ARHGAP15: variants seen among roughly 807,000 people sequenced by gnomAD.
The protein encoded by ARHGAP15 is Rho GTPase activating protein 15, also known as rho GTPase-activating protein 15.
Under a neutral mutation model 63.7 loss-of-function variants are expected in ARHGAP15, and 51 were observed. The ratio of observed to expected loss-of-function variants is 0.80; its 90% confidence interval spans 0.64 to 1.01. The LOEUF is 1.01. Ranked by LOEUF, ARHGAP15 falls within the 50% of genes least tolerant of loss-of-function variation. ARHGAP15 has a pLI of 0.00. For missense variants in ARHGAP15, 560 were observed against 564.6 expected (o/e 0.99, Z 0.08); for synonymous variants, 191 against 193.8 (o/e 0.99, Z 0.12).
intron 6 of ARHGAP15, among the ~76,000 whole-genome samples, chr2:143,406,612 T>A (rs1284965443): frequency 1.3e-5 from 2 of 151,994 alleles, no homozygotes; most frequent in Non-Finnish European, 2.9e-5. Flanking sequence ...TCCTTGTATT[T>A]CTGACCATTT....
At chr2:143,239,691 GT>G (rs1019529823) in intron 5 of ARHGAP15, among the ~76,000 whole-genome samples, 4 of 151,470 alleles carry the variant, frequency 2.6e-5, no homozygotes, top group African/African-American at 9.7e-5. Context: ...CTCTACAAAA[GT>G]TTTTTTTTAA....
At chr2:143,360,126 C>G (rs1012025962) in intron 6 of ARHGAP15, among the ~76,000 whole-genome samples, 1 of 151,820 alleles carries the variant, frequency 6.6e-6, no homozygotes, top group African/African-American at 2.4e-5. Flanking sequence ...TGCCTGTAAT[C>G]CCAGAACTTT....
intron 13 of ARHGAP15, among the ~76,000 whole-genome samples, chr2:143,729,088 G>C (rs1162792904): frequency 6.6e-6 from 1 of 152,168 alleles, no homozygotes; most frequent in South Asian, 2.1e-4. Flanking sequence ...AAGAAAAAAA[G>C]TGAAAAGGCA....
chr2:143,699,439 C>T (rs189841454), intron 12 of ARHGAP15, among the ~76,000 whole-genome samples: 24 of 152,214 alleles, frequency 1.6e-4, no homozygotes, highest in Non-Finnish European at 3.2e-4. Flanking sequence ...TCTGATTCCC[C>T]AAGAATGTGT....
intron 8 of ARHGAP15, among the ~76,000 whole-genome samples, chr2:143,475,617 T>C (rs751697255): frequency 2.6e-5 from 4 of 152,056 alleles, no homozygotes; most frequent in Non-Finnish European, 4.4e-5. Flanking sequence ...GCCAAGAGCA[T>C]GGGCCCCAGG....
At chr2:143,690,035 G>A (rs1351433891) in intron 12 of ARHGAP15, among the ~76,000 whole-genome samples, 1 of 152,152 alleles carries the variant, frequency 6.6e-6, no homozygotes, top group Non-Finnish European at 1.5e-5. Context: ...GGAAAAAGCT[G>A]CCCAGTTTTT....
At chr2:143,658,486 A>ACCAACT (rs1681576038) in intron 12 of ARHGAP15, among the ~76,000 whole-genome samples, 1 of 152,184 alleles carries the variant, frequency 6.6e-6, no homozygotes, top group Non-Finnish European at 1.5e-5. Context: ...TCAGTTGGAT[A>ACCAACT]GGGTTTAGCT....
At chr2:143,430,936 T>C (rs1689360202) in intron 6 of ARHGAP15, among the ~76,000 whole-genome samples, 1 of 152,044 alleles carries the variant, frequency 6.6e-6, no homozygotes, top group African/African-American at 2.4e-5. Flanking sequence ...AATCCCTCCT[T>C]AGGTTCTAAT....
At chr2:143,637,564 C>T (rs1001199916) in intron 12 of ARHGAP15, among the ~76,000 whole-genome samples, 2 of 152,206 alleles carry the variant, frequency 1.3e-5, no homozygotes, top group Middle Eastern at 3.4e-3. Context: ...TTGTGCCTTC[C>T]TCCTAGTATT....
chr2:143,131,981 C>A (rs1156537996), intron 1 of ARHGAP15, among the ~76,000 whole-genome samples: 3 of 151,794 alleles, frequency 2.0e-5, no homozygotes, highest in Admixed American at 6.6e-5. Flanking sequence ...GAAATAAACA[C>A]CTTTCTTGCA....
Position 143,155,521 on chromosome 2 carries a change from G to A in ARHGAP15, c.31G>A (p.Val11Met), listed in dbSNP as rs140767178. The A allele has an allele frequency of 1.2e-4, 194 of 1,607,100 alleles. 1 individual carries two copies. Among genetic ancestry groups the A allele is most frequent in the Middle Eastern group, 1.6e-4 (1 of 6,064 alleles). ...GAAATCTACAAATTCTGATACTTCC[G>A]TGGAAACACTGAATTCTACCCGCCA... is the stretch of plus-strand genomic sequence containing the variant. MQKSTNSDTS[V>M]ETLNSTRQGT... is the part of the protein sequence containing the mutation. Residue 11 changes from valine to methionine, a missense_variant, in exon 2 of 14, where the codon GTG (valine) becomes ATG (methionine). Physicochemically the swap from Val to Met is conservative, Grantham distance 21. Coordinates refer to ENST00000295095, the MANE Select transcript of ARHGAP15 (RefSeq NM_018460.4).
chr2:143,358,539 AAAAG>A (rs1429455510), intron 6 of ARHGAP15, among the ~76,000 whole-genome samples: 3 of 151,834 alleles, frequency 2.0e-5, no homozygotes, highest in East Asian at 1.9e-4. Flanking sequence ...AAGTAAAAAA[AAAAG>A]AGGAAGCATT....
chr2:143,650,000 A>G (rs563913358), intron 12 of ARHGAP15, among the ~76,000 whole-genome samples: 1 of 152,076 alleles, frequency 6.6e-6, no homozygotes, highest in Admixed American at 6.6e-5. Context: ...ACATTTTCCA[A>G]AATTTTATAA....
intron 6 of ARHGAP15, among the ~76,000 whole-genome samples, chr2:143,290,645 T>G (rs952176128): frequency 6.6e-6 from 1 of 152,164 alleles, no homozygotes; most frequent in South Asian, 2.1e-4. Context: ...TTTTAGCCCA[T>G]GCACTTTCAA....
chr2:143,510,267 T>C (rs1693522323), intron 9 of ARHGAP15, among the ~76,000 whole-genome samples: 1 of 152,320 alleles, frequency 6.6e-6, no homozygotes, highest in South Asian at 2.1e-4. Context: ...GTGGCATTGC[T>C]GTGGGAGAAA....
At position 143,318,008 on chromosome 2, in the gene ARHGAP15, C is replaced by CT. The variant is rs920935385; in HGVS notation, c.474+67418dup. Among the ~76,000 whole-genome samples, 97 of 148,842 alleles carry CT rather than the reference C, an allele frequency of 6.5e-4. 2 individuals carry two copies. The highest frequency in any genetic ancestry group is 3.2e-3 in the South Asian group (15 of 4,672). ...ATAAAACTACCCATAAAATTTTATC[C>CT]TTTTTTTTTTCTTTGATAGAGTCTC... On this transcript the variant is annotated intron_variant, in intron 6 of 13. Coordinates refer to ENST00000295095, the MANE Select transcript of ARHGAP15 (RefSeq NM_018460.4).
At chr2:143,332,937 A>G (rs2105263431) in intron 6 of ARHGAP15, among the ~76,000 whole-genome samples, 1 of 150,294 alleles carries the variant, frequency 6.7e-6, no homozygotes, top group African/African-American at 2.5e-5. Flanking sequence ...CTTCACTGTC[A>G]TTTAGTCCTT....
intron 5 of ARHGAP15, among the ~76,000 whole-genome samples, chr2:143,244,515 G>T (rs1693973821): frequency 6.6e-6 from 1 of 152,204 alleles, no homozygotes. Context: ...TGAAAAGAAT[G>T]AATGCATACT....
chr2:143,261,258 G>A (rs552174134), intron 6 of ARHGAP15, among the ~76,000 whole-genome samples: 1 of 151,706 alleles, frequency 6.6e-6, no homozygotes, highest in East Asian at 1.9e-4. Context: ...TTATAGTGGG[G>A]CATTTGATGG....
Sources: gnomAD v4.1 joint callset for allele counts (sites outside exome capture counted in the v4.1 genomes callset) on GRCh38, gnomAD v4.1.1 for gene constraint, MANE v1.5 for transcripts, NCBI Gene and HGNC (gene_info 2026-07-23, HGNC 2026-07-21) for gene names.